Variants in PLCG2 observed in about 807,000 individuals in gnomAD.
PLCG2 encodes the protein phospholipase C gamma 2, also known as 1-phosphatidylinositol 4,5-bisphosphate phosphodiesterase gamma-2.
PLCG2 carries 69 observed loss-of-function variants against 175.6 expected under a neutral mutation model. The ratio of observed to expected loss-of-function variants is 0.39; its 90% CI spans 0.32 to 0.48. The LOEUF is 0.48. PLCG2 is among the 20% of genes least tolerant of loss of function. PLCG2 has a pLI of 0.91. For missense variants in PLCG2, 1,798 were observed against 1,650.9 expected, an observed-to-expected ratio of 1.09 and a Z score of -1.54; for synonymous variants, 827 against 624.0, an observed-to-expected ratio of 1.33 and a Z score of -4.85.
chr16:81,772,153 G>C (rs964416172), intron 2 of PLCG2, among the ~76,000 whole-genome samples: 4 of 152,138 alleles, frequency 2.6e-5, no homozygotes, highest in African/African-American at 4.8e-5. Context: ...ATTCAGGGTG[G>C]ACACTCAATC....
At chr16:81,908,301 C>A in intron 16 of PLCG2, 115 bp from the exon 17 acceptor site, 3 of 927,292 alleles carry the variant, frequency 3.2e-6, no homozygotes, top group African/African-American at 1.7e-5. Flanking sequence ...CCAGCTGAGG[C>A]TGGCCTCTCT....
intron 26 of PLCG2, chr16:81,935,426 T>TA (rs34154117): frequency 6.9e-3 from 3,534 of 513,362 alleles, no homozygotes; most frequent in South Asian, 0.013. Flanking sequence ...GGGGGCCATT[T>TA]AAAAAAAAAA....
intron 2 of PLCG2, among the ~76,000 whole-genome samples, chr16:81,843,264 C>G (rs1021624022): frequency 7.2e-5 from 11 of 152,194 alleles, no homozygotes; most frequent in African/African-American, 2.7e-4. Flanking sequence ...ATTTGCCCAT[C>G]TCCTTCTCAC....
intron 5 of PLCG2, among the ~76,000 whole-genome samples, chr16:81,868,370 A>AT (rs35806969): frequency 0.45 from 68,356 of 151,742 alleles, 16,545 homozygotes; most frequent in Non-Finnish European, 0.54. Flanking sequence ...AGAAACCTTT[A>AT]TTTTTTTACT....
chr16:81,935,715 C>T (rs1370223578), intron 26 of PLCG2: 1 of 985,324 alleles, frequency 1.0e-6, no homozygotes, highest in Non-Finnish European at 1.2e-6. Flanking sequence ...CCTGTTCTCC[C>T]TTCCCTGCAC....
intron 2 of PLCG2, among the ~76,000 whole-genome samples, chr16:81,768,395 T>C (rs1910198641): frequency 6.6e-6 from 1 of 152,216 alleles, no homozygotes. Context: ...TATGTTTTCA[T>C]ATCTCTTAGG....
chr16:81,866,166 C>T (rs36028855), intron 5 of PLCG2, among the ~76,000 whole-genome samples: 11 of 108,438 alleles, frequency 1.0e-4, no homozygotes, highest in East Asian at 2.9e-4. Context: ...CATGAGAGGA[C>T]GCTGGCCTCT....
At chr16:81,840,885 G>A (rs1334372711) in intron 2 of PLCG2, among the ~76,000 whole-genome samples, 1 of 152,210 alleles carries the variant, frequency 6.6e-6, no homozygotes, top group Non-Finnish European at 1.5e-5. Flanking sequence ...AAGAGGCTGA[G>A]TATCCTCAGT....
intron 2 of PLCG2, among the ~76,000 whole-genome samples, chr16:81,842,123 T>G (rs950762295): frequency 2.0e-5 from 3 of 152,210 alleles, no homozygotes; most frequent in African/African-American, 7.2e-5. Flanking sequence ...CGTGCCTGGT[T>G]CCTGTGCACC....
chr16:81,926,418 G>A (rs887775295), intron 22 of PLCG2, among the ~76,000 whole-genome samples: 2 of 152,228 alleles, frequency 1.3e-5, no homozygotes, highest in African/African-American at 2.4e-5. Context: ...AGGAATCTTA[G>A]AGGTGCTCAC....
chr16:81,815,694 A>C (rs1904512339), intron 2 of PLCG2, among the ~76,000 whole-genome samples: 1 of 152,048 alleles, frequency 6.6e-6, no homozygotes, highest in Admixed American at 6.5e-5. Flanking sequence ...GTTCCCATGC[A>C]GGTGGTGGCT....
chr16:81,946,062 C>G lies in PLCG2; in HGVS notation c.3482-113C>G. On this transcript the variant is annotated intron_variant, in intron 30 of 32. Coordinates refer to ENST00000564138, the MANE Select transcript of PLCG2 (RefSeq NM_002661.5). ...CAAAGTCAGCCCCCAGCATGGGGCA[C>G]TGACTTCTCTACCCTTTGAACTAGG... 3.8e-6 allele frequency: 3 copies of G among 790,604 alleles called. No homozygotes were observed. In the South Asian group the frequency reaches 4.5e-5, roughly 12 times the overall value. The allele number at this position is 790,604 out of a possible 1,614,324, so 49.0% of individuals were successfully genotyped here.
At chr16:81,775,407 T>C (rs1419128831), upstream of PLCG2, among the ~76,000 whole-genome samples, 1 of 152,192 alleles carries the variant, frequency 6.6e-6, no homozygotes, top group Non-Finnish European at 1.5e-5. Context: ...GACTTGGAAC[T>C]GGAGCCCAGA....
chr16:81,810,943 G>A (rs117949086), intron 2 of PLCG2, among the ~76,000 whole-genome samples: 1 of 152,166 alleles, frequency 6.6e-6, no homozygotes, highest in African/African-American at 2.4e-5. Flanking sequence ...ACCAAGGGAG[G>A]TTATGCACCT....
At chr16:81,851,614 G>A (rs1382209390) in intron 2 of PLCG2, among the ~76,000 whole-genome samples, 2 of 152,298 alleles carry the variant, frequency 1.3e-5, no homozygotes, top group Admixed American at 1.3e-4. Flanking sequence ...CCGAGTTCAG[G>A]CGATTCTTCT....
intron 2 of PLCG2, among the ~76,000 whole-genome samples, chr16:81,792,329 A>T (rs1474870752): frequency 6.6e-6 from 1 of 152,034 alleles, no homozygotes; most frequent in African/African-American, 2.4e-5. Context: ...TAAAAATATT[A>T]AAATTGGCTG....
At chr16:81,781,495 C>G (rs931785430) in intron 1 of PLCG2, among the ~76,000 whole-genome samples, 1 of 151,758 alleles carries the variant, frequency 6.6e-6, no homozygotes, top group Admixed American at 6.6e-5. Context: ...TTGTGCATGT[C>G]TTTCTTTACA....
intron 2 of PLCG2, among the ~76,000 whole-genome samples, chr16:81,818,680 C>T (rs1904658560): frequency 1.3e-5 from 2 of 152,068 alleles, no homozygotes; most frequent in South Asian, 4.2e-4. Context: ...GCCTTGTTGG[C>T]ACTGTGGGCA....
chr16:81,809,851 C>T (rs950170369), intron 2 of PLCG2, among the ~76,000 whole-genome samples: 6 of 151,110 alleles, frequency 4.0e-5, no homozygotes, highest in African/African-American at 1.5e-4. Context: ...GGTCAGAAAC[C>T]AGCTCAAGCA....
Sources: allele counts gnomAD v4.1 joint callset (sites outside exome capture counted in the v4.1 genomes callset), GRCh38; gene constraint gnomAD v4.1.1; transcripts MANE v1.5; gene names NCBI Gene and HGNC (gene_info 2026-07-23, HGNC 2026-07-21).